SV2B: variants seen among roughly 807,000 people sequenced by gnomAD.
SV2B encodes the protein solute carrier family 22 member B2.
A neutral mutation model predicts 73.9 loss-of-function variants in SV2B; 41 were observed. That is an observed-to-expected ratio of 0.56 (90% CI 0.43 to 0.72). The LOEUF is 0.72. Among genes scored for constraint, SV2B ranks in the 30% least tolerant of loss-of-function variants. The probability of loss-of-function intolerance (pLI) is 0.00; values close to 1 mark genes in which losing one functional copy is unlikely to be tolerated. For missense variants in SV2B, 764 were observed against 857.8 expected (o/e 0.89, Z 1.37); for synonymous variants, 314 against 314.2 (o/e 1.00, Z 0.01).
rs1482691133 is a variant in SV2B at position 91,231,515 on chromosome 15, T to G, written c.451+4801T>G. ...TCTCCCTGGAGCTATTACTATTAAA[T>G]GGCAAAAACTGCAATTACTTTTGCA... On this transcript the variant is annotated intron_variant, in intron 2 of 12. Transcript: ENST00000394232. The surrounding 1 kb of genome is among the most constrained non-coding windows in gnomAD (Gnocchi z 4.5). 6.6e-6 allele frequency among the ~76,000 whole-genome samples: 1 copy of G among 152,198 alleles called. No homozygotes were observed. Among genetic ancestry groups the G allele is most frequent in the Non-Finnish European group, 1.5e-5 (1 of 68,036 alleles).
chr15:91,178,999 G>A (rs1413080412), intron 1 of SV2B, among the ~76,000 whole-genome samples: 5 of 151,424 alleles, frequency 3.3e-5, no homozygotes, highest in East Asian at 1.9e-4. Context: ...TGTCAATTTT[G>A]GATCTTTCCT....
Position 91,268,644 on chromosome 15 carries a change from A to T in SV2B, c.1373+39A>T. ...CACGGGCTTCCCTCACATCAGGGTG[A>T]CAGTCGTGGGGACTGTTATTGGGAG... is the stretch of plus-strand genomic sequence containing the variant. On this transcript the variant is annotated intron_variant, in intron 9 of 12. Coordinates refer to ENST00000394232, the MANE Select transcript of SV2B (RefSeq NM_001323032.3). The surrounding 1 kb of genome is among the most constrained non-coding windows in gnomAD (Gnocchi z 4.4). The T allele has an allele frequency of 6.3e-7, 1 of 1,595,732 alleles. No individual in the cohort carries two copies. Among genetic ancestry groups the T allele is most frequent in the Non-Finnish European group, 8.6e-7 (1 of 1,166,300 alleles).
At chr15:91,207,691 G>T (rs1443332987) in intron 1 of SV2B, among the ~76,000 whole-genome samples, 1 of 152,152 alleles carries the variant, frequency 6.6e-6, no homozygotes, top group Non-Finnish European at 1.5e-5. Flanking sequence ...AGTTTTATGT[G>T]ACACAGGAAC....
At chr15:91,163,171 C>T (rs1016376563) in intron 1 of SV2B, among the ~76,000 whole-genome samples, 3 of 152,108 alleles carry the variant, frequency 2.0e-5, no homozygotes, top group Admixed American at 6.5e-5. Context: ...CATTGATGGA[C>T]ATTTTGGGTT....
chr15:91,139,905 T>C lies in SV2B; in HGVS notation c.-392+39542T>C, dbSNP rs2042951780. Among the ~76,000 whole-genome samples the C allele has an allele frequency of 1.3e-5, 2 of 152,206 alleles. No homozygotes were observed. The highest frequency in any genetic ancestry group is 4.1e-4 in the South Asian group (2 of 4,828). On this transcript the variant is annotated intron_variant, in intron 1 of 12. Coordinates refer to ENST00000394232, the MANE Select transcript of SV2B (RefSeq NM_001323032.3). The surrounding 1 kb of genome is among the most constrained non-coding windows in gnomAD (Gnocchi z 5.2). ...GGAAGGGAGGAAGATCCGGCCACTT[T>C]GTTCCTAGAGTTTGGTGAGAGTGAC...
intron 4 of SV2B, among the ~76,000 whole-genome samples, chr15:91,257,783 T>G (rs2141638268): frequency 6.6e-6 from 1 of 152,278 alleles, no homozygotes; most frequent in African/African-American, 2.4e-5. Context: ...TCTGAGGCCT[T>G]GACCCCCATC....
chr15:91,102,622 G>A (rs1417503449), intron 1 of SV2B, among the ~76,000 whole-genome samples: 1 of 151,968 alleles, frequency 6.6e-6, no homozygotes, highest in Non-Finnish European at 1.5e-5. Flanking sequence ...GTGTGTGTAT[G>A]TGTGTGTGTG....
intron 1 of SV2B, among the ~76,000 whole-genome samples, chr15:91,109,541 G>T (rs2041981426): frequency 6.6e-6 from 1 of 152,156 alleles, no homozygotes; most frequent in Admixed American, 6.5e-5. Flanking sequence ...ATGGATAAAT[G>T]AGCTGTCTAT....
At chr15:91,244,021 T>A (rs1487029736) in intron 2 of SV2B, among the ~76,000 whole-genome samples, 1 of 152,174 alleles carries the variant, frequency 6.6e-6, no homozygotes, top group Non-Finnish European at 1.5e-5. Context: ...TATTAGTGTA[T>A]CTTTCTTCAT....
At chr15:91,259,162 C>T (rs1478672370) in intron 5 of SV2B, among the ~76,000 whole-genome samples, 1 of 151,946 alleles carries the variant, frequency 6.6e-6, no homozygotes, top group Non-Finnish European at 1.5e-5. Flanking sequence ...GCTGGTTTTC[C>T]GTGTTTGGCA....
chr15:91,256,416 G>C (rs1389132241), intron 4 of SV2B, among the ~76,000 whole-genome samples: 1 of 152,152 alleles, frequency 6.6e-6, no homozygotes, highest in Non-Finnish European at 1.5e-5. Flanking sequence ...AGATCTTTTT[G>C]AAGCAGAATA....
In SV2B at chr15:91,301,334, C is replaced by T. The variant is rs1490261173; in HGVS notation, c.*8782C>T. 1 of 152,252 alleles carries T rather than the reference C, an allele frequency of 6.6e-6. No individual in the cohort carries two copies. The highest frequency in any genetic ancestry group is 1.9e-4 in the East Asian group (1 of 5,182). The allele number at this position is 152,252 out of a possible 1,614,324, so 9.4% of individuals were successfully genotyped here. ...ACTTTTGGTCTCTCTTCATATTTTT[C>T]GTGGTTTCATTTATCTCTCCCTTCA... On this transcript the variant is annotated 3_prime_UTR_variant, in exon 13 of 13. Coordinates refer to ENST00000394232, the MANE Select transcript of SV2B (RefSeq NM_001323032.3). This position sits in a 1 kb window ranked among gnomAD's most constrained non-coding sequence, Gnocchi z 4.3.
At position 91,258,672 on chromosome 15, in the gene SV2B, T is replaced by A. The variant is rs765799550; in HGVS notation, c.918+118T>A. 220 of 1,458,624 alleles carry A rather than the reference T, an allele frequency of 1.5e-4. No individual in the cohort carries two copies. Among genetic ancestry groups the A allele is most frequent in the Non-Finnish European group, 1.9e-4 (207 of 1,087,784 alleles). 90.4% of individuals were successfully genotyped at this position (1,458,624 alleles called of 1,614,324 possible). Reference sequence around the variant, plus strand: ...TCTGCTGCTTATGTGTTGCAAACTCTCCCCTGGTCGGCTGACCTCACTCAT... The same window carrying A: ...TCTGCTGCTTATGTGTTGCAAACTCACCCCTGGTCGGCTGACCTCACTCAT... On this transcript the variant is annotated intron_variant, in intron 5 of 12. Coordinates refer to ENST00000394232, the MANE Select transcript of SV2B (RefSeq NM_001323032.3). The surrounding 1 kb of genome is among the most constrained non-coding windows in gnomAD (Gnocchi z 4.7).
At chr15:91,125,244 C>A (rs2042442660) in intron 1 of SV2B, among the ~76,000 whole-genome samples, 1 of 152,086 alleles carries the variant, frequency 6.6e-6, no homozygotes, top group South Asian at 2.1e-4. Flanking sequence ...TTCTGAAGTT[C>A]TGGGGGTTAG....
Position 91,121,079 on chromosome 15 carries a change from G to T in SV2B, c.-392+20716G>T, listed in dbSNP as rs1273373081. On this transcript the variant is annotated intron_variant, in intron 1 of 12. Coordinates refer to ENST00000394232, the MANE Select transcript of SV2B (RefSeq NM_001323032.3). This position sits in a 1 kb window ranked among gnomAD's most constrained non-coding sequence, Gnocchi z 4.4. ...GTTTCCCATGGTTTAAGGTGGCAGA[G>T]AACTAGTCTTTTAACACGCTAATTT... 6.6e-6 allele frequency among the ~76,000 whole-genome samples: 1 copy of T among 152,054 alleles called. No individual in the cohort carries two copies. Among genetic ancestry groups the T allele is most frequent in the East Asian group, 1.9e-4 (1 of 5,196 alleles).
At position 91,268,961 on chromosome 15, in the gene SV2B, C is replaced by T. The variant is rs1258907304; in HGVS notation, c.1373+356C>T. Among the ~76,000 whole-genome samples the T allele has an allele frequency of 1.3e-5, 2 of 152,164 alleles. No individual in the cohort carries two copies. The highest frequency in any genetic ancestry group is 2.9e-5 in the Non-Finnish European group (2 of 68,028). On this transcript the variant is annotated intron_variant, in intron 9 of 12. Transcript: ENST00000394232. The surrounding 1 kb of genome is among the most constrained non-coding windows in gnomAD (Gnocchi z 4.4). ...TTACTGCTGAGATTCCCGAACTAGT[C>T]CAAAGCCTGGGTGTTGAGCTTTTAC...
intron 1 of SV2B, among the ~76,000 whole-genome samples, chr15:91,157,470 A>C (rs1009354018): frequency 2.0e-5 from 3 of 152,196 alleles, no homozygotes; most frequent in Non-Finnish European, 2.9e-5. Flanking sequence ...AATTTTGGCC[A>C]GAGTAACAAT....
intron 1 of SV2B, among the ~76,000 whole-genome samples, chr15:91,102,630 G>C (rs564584559): frequency 3.9e-5 from 6 of 152,192 alleles, no homozygotes; most frequent in Non-Finnish European, 7.3e-5. Context: ...ATGTGTGTGT[G>C]TGTAAGATGA....
rs1751067367 is a variant in SV2B, at chr15:91,122,357, C to T, written c.-392+21994C>T. On this transcript the variant is annotated intron_variant, in intron 1 of 12. Coordinates refer to ENST00000394232, the MANE Select transcript of SV2B (RefSeq NM_001323032.3). The surrounding 1 kb of genome is among the most constrained non-coding windows in gnomAD (Gnocchi z 4.3). ...GTACACAAATGGAGTCTCCAGACATCCTCCCTGGGGAAACAGTCTAGAAAG... is the reference window on the plus strand; with the variant it reads ...GTACACAAATGGAGTCTCCAGACATTCTCCCTGGGGAAACAGTCTAGAAAG... Among the ~76,000 whole-genome samples the T allele has an allele frequency of 6.6e-6, 1 of 152,232 alleles. No homozygotes were observed. The highest frequency in any genetic ancestry group is 6.5e-5 in the Admixed American group (1 of 15,286).
Sources: gnomAD v4.1 joint callset for allele counts (sites outside exome capture counted in the v4.1 genomes callset) on GRCh38, gnomAD v4.1.1 for gene constraint, Gnocchi (gnomAD v3.1) non-coding constraint, MANE v1.5 for transcripts, NCBI Gene and HGNC (gene_info 2026-07-23, HGNC 2026-07-21) for gene names.